TRIM33: variants seen among roughly 807,000 people sequenced by gnomAD.
TRIM33 encodes the protein tripartite motif containing 33.
Under a neutral mutation model 125.4 loss-of-function variants are expected in TRIM33, and 20 were observed. The ratio of observed to expected loss-of-function variants is 0.16; its 90% confidence interval spans 0.11 to 0.23. The LOEUF (loss-of-function observed/expected upper bound fraction) is 0.23. TRIM33 is among the 10% of genes least tolerant of loss of function. The pLI is 1.00. For synonymous variants in TRIM33, 564 were observed against 513.9 expected (o/e 1.10, Z -1.32); for missense variants, 920 against 1,411.4 (o/e 0.65, Z 5.58).
rs962992586 is a variant in TRIM33 at position 114,427,245 on chromosome 1, G to T, written c.1352C>A (p.Pro451His). ...GAAACGTATTGCTCCATTAGCAGCA[G>T]GGACAGGATCACACCGTGCTTTCAA... Reference protein sequence around the residue: ...HILKARCDPVPAANGAIRFHC... With the variant: ...HILKARCDPVHAANGAIRFHC... Residue 451 changes from proline (P) to histidine (H), a missense_variant, in exon 8 of 20, where the codon CCT becomes CAT. Around this residue, in one of 8 missense-constraint regions of TRIM33, gnomAD observed 407 missense variants for 589.7 expected, o/e 0.69. Coordinates refer to ENST00000358465, the MANE Select transcript of TRIM33 (RefSeq NM_015906.4). The T allele has an allele frequency of 1.2e-6, 2 of 1,607,752 alleles. No homozygotes were observed. The highest frequency in any genetic ancestry group is 2.7e-5 in the African/African-American group (2 of 74,730).
Position 114,397,620 on chromosome 1 carries a change from T to TTTTTTTA in TRIM33, c.*27_*28insTAAAAAA. On this transcript the variant is annotated 3_prime_UTR_variant, in exon 20 of 20. Coordinates refer to ENST00000358465, the MANE Select transcript of TRIM33 (RefSeq NM_015906.4). ...TTTTTTTTTTTCGTTTTTTTTTTTT[T>TTTTTTTA]AAACAATTGATTTAAATCCATGTCA... 8.4e-7 allele frequency: 1 copy of TTTTTTTA among 1,197,246 alleles called. No individual in the cohort carries two copies. 74.2% of individuals were successfully genotyped at this position (1,197,246 alleles called of 1,614,324 possible).
intron 1 of TRIM33, among the ~76,000 whole-genome samples, chr1:114,496,382 G>A (rs978098920): frequency 6.6e-6 from 1 of 152,182 alleles, no homozygotes; most frequent in Non-Finnish European, 1.5e-5. Context: ...GATGTTAGAA[G>A]TAGAACCCTG....
chr1:114,410,006 C>T (rs1351252972), intron 12 of TRIM33, among the ~76,000 whole-genome samples, 178 bp downstream of exon 12: 1 of 152,130 alleles, frequency 6.6e-6, no homozygotes, highest in African/African-American at 2.4e-5. Flanking sequence ...CCTCACCTCC[C>T]TGCCAACACC....
chr1:114,463,304 A>T (rs1189357211), intron 3 of TRIM33, 68 bp from the exon 4 acceptor site: 14 of 1,557,412 alleles, frequency 9.0e-6, no homozygotes, highest in Non-Finnish European at 1.1e-5. Flanking sequence ...CTAAATTCCT[A>T]TTGATGTTGC....
intron 1 of TRIM33, among the ~76,000 whole-genome samples, chr1:114,480,834 A>G (rs1041786421): frequency 6.6e-6 from 1 of 152,188 alleles, no homozygotes; most frequent in Non-Finnish European, 1.5e-5. Context: ...AAAGGAGAGG[A>G]GAAGATAAAA....
intron 10 of TRIM33, among the ~76,000 whole-genome samples, chr1:114,423,317 G>C (rs142501682): frequency 1.7e-3 from 253 of 152,114 alleles, no homozygotes; most frequent in African/African-American, 5.7e-3. Flanking sequence ...ATCAAATAAA[G>C]CTATCTTACA....
At chr1:114,432,503 C>T (rs1335173744) in intron 5 of TRIM33, among the ~76,000 whole-genome samples, 1 of 152,130 alleles carries the variant, frequency 6.6e-6, no homozygotes, top group Non-Finnish European at 1.5e-5. Context: ...ATAAAAAGTT[C>T]TGGCCGGGCA....
intron 4 of TRIM33, among the ~76,000 whole-genome samples, chr1:114,459,352 C>T (rs1015843700): frequency 3.3e-5 from 5 of 152,208 alleles, no homozygotes; most frequent in African/African-American, 2.4e-5. Flanking sequence ...GGTTGGAGAG[C>T]TTCCAGGTTA....
At chr1:114,422,717 C>T (rs1647281424) in intron 10 of TRIM33, among the ~76,000 whole-genome samples, 1 of 151,350 alleles carries the variant, frequency 6.6e-6, no homozygotes, top group Non-Finnish European at 1.5e-5. Context: ...GTGTCTGACT[C>T]CAAAACCTGG....
At chr1:114,500,972 C>A (rs1459212101) in intron 1 of TRIM33, among the ~76,000 whole-genome samples, 1 of 65,104 alleles carries the variant, frequency 1.5e-5, no homozygotes, top group Non-Finnish European at 3.3e-5. Flanking sequence ...GGGCGGATCA[C>A]GAGGTCAGGA....
intron 11 of TRIM33, among the ~76,000 whole-genome samples, chr1:114,414,744 T>C (rs188025025): frequency 2.0e-5 from 3 of 152,260 alleles, no homozygotes; most frequent in Admixed American, 1.3e-4. Flanking sequence ...GTCTCTCTTA[T>C]CCCTACTGTT....
At chr1:114,401,328 G>A in intron 17 of TRIM33, 61 bp downstream of exon 17, 1 of 1,440,382 alleles carries the variant, frequency 6.9e-7, no homozygotes, top group Non-Finnish European at 9.6e-7. Context: ...CCGGCCGCCA[G>A]AGCCCATACT....
At chr1:114,401,014 TC>T (rs1651837962) in intron 17 of TRIM33, among the ~76,000 whole-genome samples, 1 of 151,588 alleles carries the variant, frequency 6.6e-6, no homozygotes, top group Non-Finnish European at 1.5e-5. Flanking sequence ...TACAACTTAG[TC>T]TAAGGCCATA....
chr1:114,483,307 G>GA lies in TRIM33; in HGVS notation c.527-18920dup, dbSNP rs200182601. Among the ~76,000 whole-genome samples, 398 of 148,432 alleles carry GA rather than the reference G, an allele frequency of 2.7e-3. 2 individuals are homozygous for GA. Among genetic ancestry groups the GA allele is most frequent in the Middle Eastern group, 0.011 (3 of 284 alleles). ...GGGCTACAAAGCAAGACCCTGTCTT[G>GA]AAAAAAAAAATTTTTACCAAACTGA... On this transcript the variant is annotated intron_variant, in intron 1 of 19. Coordinates refer to ENST00000358465, the MANE Select transcript of TRIM33 (RefSeq NM_015906.4).
rs889640488 is a variant in TRIM33 at position 114,392,966 on chromosome 1, A to T, written c.*4682T>A. On this transcript the variant is annotated 3_prime_UTR_variant, in exon 20 of 20. Coordinates refer to ENST00000358465, the MANE Select transcript of TRIM33 (RefSeq NM_015906.4). ...AAGAAAAAACTTGCTTTTATTACACACCAGCAAAAACACAGGAACGAAACA... is the reference window on the plus strand; with the variant it reads ...AAGAAAAAACTTGCTTTTATTACACTCCAGCAAAAACACAGGAACGAAACA... 2 of 201,048 alleles carry T rather than the reference A, an allele frequency of 9.9e-6. No homozygotes were observed. The highest frequency in any genetic ancestry group is 2.1e-5 in the Non-Finnish European group (2 of 97,268). 12.5% of individuals were successfully genotyped at this position (201,048 alleles called of 1,614,324 possible).
At chr1:114,499,859 C>A (rs534600006) in intron 1 of TRIM33, among the ~76,000 whole-genome samples, 1 of 152,230 alleles carries the variant, frequency 6.6e-6, no homozygotes, top group East Asian at 1.9e-4. Flanking sequence ...AATCAGTATA[C>A]CTGAGACATT....
chr1:114,501,967 G>A (rs1652745769), intron 1 of TRIM33, among the ~76,000 whole-genome samples: 1 of 152,032 alleles, frequency 6.6e-6, no homozygotes, highest in Admixed American at 6.6e-5. Context: ...TGAGTCAAAT[G>A]GCTAGGGATA....
chr1:114,497,882 A>G (rs1022662709), intron 1 of TRIM33, among the ~76,000 whole-genome samples: 5 of 151,938 alleles, frequency 3.3e-5, no homozygotes, highest in African/African-American at 1.2e-4. Context: ...ATCAAAAGAA[A>G]AAAAAAAAAG....
At chr1:114,400,257 A>G (rs1160438308) in intron 17 of TRIM33, among the ~76,000 whole-genome samples, 1 of 152,222 alleles carries the variant, frequency 6.6e-6, no homozygotes, top group Admixed American at 6.5e-5. Flanking sequence ...GCTGGAGTGC[A>G]GTGGTGCAGT....
Sources: gnomAD v4.1 joint callset for allele counts (sites outside exome capture counted in the v4.1 genomes callset) on GRCh38, gnomAD v4.1.1 for gene constraint, gnomAD v4.1.1 regional missense constraint, MANE v1.5 for transcripts, NCBI Gene and HGNC (gene_info 2026-07-23, HGNC 2026-07-21) for gene names.